NUBPL: variants seen among roughly 807,000 people sequenced by gnomAD.
The protein encoded by NUBPL is NUBP iron-sulfur cluster assembly factor, mitochondrial, also known as iron-sulfur cluster transfer protein NUBPL.
Under a neutral mutation model 45.7 loss-of-function variants are expected in NUBPL, and 31 were observed. The observed-to-expected ratio is 0.68, with a 90% CI of 0.51 to 0.92. The LOEUF (loss-of-function observed/expected upper bound fraction) is 0.92, where lower values mean the gene tolerates loss of function less well. Among genes scored for constraint, NUBPL ranks in the 40% least tolerant of loss-of-function variants. The pLI is 0.00. For synonymous variants in NUBPL, 144 were observed against 140.9 expected, an observed-to-expected ratio of 1.02 and a Z score of -0.15; for missense variants, 401 against 398.7, an observed-to-expected ratio of 1.01 and a Z score of -0.05.
intron 2 of NUBPL, among the ~76,000 whole-genome samples, chr14:31,563,887 G>T (rs7152506): frequency 0.69 from 104,699 of 152,100 alleles, 36,582 homozygotes; most frequent in African/African-American, 0.81. Context: ...CCTAGGCTAA[G>T]TATTTTACAT....
At chr14:31,602,395 A>ATAAAAG (rs1566440407) in intron 4 of NUBPL, among the ~76,000 whole-genome samples, 5 of 35,022 alleles carry the variant, frequency 1.4e-4, no homozygotes, top group Admixed American at 2.4e-4. Flanking sequence ...ATAATAATAG[A>ATAAAAG]AAAAAAAAAG....
rs530428316 is a variant in NUBPL, at chr14:31,568,552, C to T, written c.291+3504C>T. 2.0e-5 allele frequency among the ~76,000 whole-genome samples: 3 copies of T among 152,128 alleles called. No individual in the cohort carries two copies. In the South Asian group the frequency reaches 6.2e-4, roughly 32 times the overall value. ...AAATTGGATTCATCAAATGAATCTT[C>T]GGCCAACAACTGTTTGAGGATGATA... On this transcript the variant is annotated intron_variant, in intron 3 of 10. Coordinates refer to ENST00000281081, the MANE Select transcript of NUBPL (RefSeq NM_025152.3).
intron 7 of NUBPL, among the ~76,000 whole-genome samples, chr14:31,815,907 C>CT (rs2039905785): frequency 6.6e-6 from 1 of 152,088 alleles, no homozygotes; most frequent in Non-Finnish European, 1.5e-5. Context: ...GGTGGATAAG[C>CT]TTTTTTATGT....
chr14:31,739,217 A>ATT (rs1394671521), intron 6 of NUBPL, among the ~76,000 whole-genome samples: 4 of 43,886 alleles, frequency 9.1e-5, no homozygotes, highest in South Asian at 8.8e-4. Flanking sequence ...TATATATTAT[A>ATT]TTATATATAT....
At chr14:31,566,570 T>C (rs1307563580) in intron 3 of NUBPL, among the ~76,000 whole-genome samples, 1 of 152,026 alleles carries the variant, frequency 6.6e-6, no homozygotes, top group East Asian at 1.9e-4. Context: ...CTTGAGTCCT[T>C]ATATGGTTTG....
intron 3 of NUBPL, among the ~76,000 whole-genome samples, chr14:31,588,346 ATTC>A (rs1179087834): frequency 6.6e-6 from 1 of 152,206 alleles, no homozygotes; most frequent in Non-Finnish European, 1.5e-5. Context: ...ACTGTTAGCT[ATTC>A]TTTAAGTTTC....
intron 9 of NUBPL, 142 bp downstream of exon 9, chr14:31,846,733 G>A (rs1184075685): frequency 3.0e-6 from 4 of 1,333,082 alleles, no homozygotes; most frequent in Non-Finnish European, 4.1e-6. Context: ...GAGGTGGACA[G>A]ATCACGAGGT....
chr14:31,723,538 G>T (rs1338773304), intron 6 of NUBPL, among the ~76,000 whole-genome samples: 1 of 152,200 alleles, frequency 6.6e-6, no homozygotes, highest in Non-Finnish European at 1.5e-5. Context: ...TGAGCAGTAT[G>T]ACCATTTAAA....
intron 6 of NUBPL, among the ~76,000 whole-genome samples, chr14:31,745,215 C>T (rs563563220): frequency 3.3e-5 from 5 of 152,088 alleles, no homozygotes; most frequent in East Asian, 3.9e-4. Context: ...CCCCACCCCA[C>T]GACAGGCCCT....
At chr14:31,605,885 C>T (rs1455860718) in intron 4 of NUBPL, among the ~76,000 whole-genome samples, 1 of 136,056 alleles carries the variant, frequency 7.3e-6, no homozygotes, top group South Asian at 2.4e-4. Context: ...TCTTCCTCCT[C>T]CTTGTCTCCT....
intron 7 of NUBPL, among the ~76,000 whole-genome samples, chr14:31,811,132 T>G (rs2039796298): frequency 6.6e-6 from 1 of 152,202 alleles, no homozygotes; most frequent in South Asian, 2.1e-4. Flanking sequence ...ATTTGTGGTG[T>G]TCTCTGTACT....
At chr14:31,799,341 G>A (rs1380037301) in intron 7 of NUBPL, among the ~76,000 whole-genome samples, 4 of 152,040 alleles carry the variant, frequency 2.6e-5, no homozygotes, top group Admixed American at 6.6e-5. Context: ...ACAAGTCTGT[G>A]GAGTTAAGTT....
In NUBPL at chr14:31,860,609, T is replaced by C. The variant is rs1485070448; in HGVS notation, c.*1429T>C. ...GTCACTTTTGGCAAATGTCTTGACA[T>C]CTGTTGCTCTACAGTTGTCAACTAG... On this transcript the variant is annotated 3_prime_UTR_variant, in exon 11 of 11. Transcript: ENST00000281081. 4 of 152,210 alleles carry C rather than the reference T, an allele frequency of 2.6e-5. No homozygotes were observed. The allele number at this position is 152,210 out of a possible 1,614,324, so 9.4% of individuals were successfully genotyped here.
intron 4 of NUBPL, among the ~76,000 whole-genome samples, chr14:31,642,374 G>A (rs2035729161): frequency 1.3e-5 from 2 of 152,142 alleles, no homozygotes; most frequent in South Asian, 4.1e-4. Context: ...GTGAGAAATA[G>A]GGGTCTAATT....
chr14:31,817,343 C>G (rs1291022584), intron 7 of NUBPL, among the ~76,000 whole-genome samples: 1 of 152,038 alleles, frequency 6.6e-6, no homozygotes, highest in Non-Finnish European at 1.5e-5. Context: ...CAAAGATACC[C>G]CTTGAGAAGA....
At chr14:31,661,451 T>C (rs2036266974) in intron 4 of NUBPL, among the ~76,000 whole-genome samples, 1 of 152,244 alleles carries the variant, frequency 6.6e-6, no homozygotes, top group Non-Finnish European at 1.5e-5. Flanking sequence ...AAGAAACTTA[T>C]TTGTACCTGT....
chr14:31,616,411 T>G (rs141303072), intron 4 of NUBPL, among the ~76,000 whole-genome samples: 1,616 of 152,338 alleles, frequency 0.011, 23 homozygotes, highest in African/African-American at 0.037. Context: ...AGGTCTTACG[T>G]TTAAGTCTTT....
At chr14:31,693,232 A>G (rs1341318492) in intron 6 of NUBPL, among the ~76,000 whole-genome samples, 1 of 152,180 alleles carries the variant, frequency 6.6e-6, no homozygotes, top group African/African-American at 2.4e-5. Context: ...AGGCATCCAT[A>G]ATTGACTGAA....
At chr14:31,665,277 T>C (rs1332896265) in intron 4 of NUBPL, among the ~76,000 whole-genome samples, 1 of 152,204 alleles carries the variant, frequency 6.6e-6, no homozygotes, top group East Asian at 1.9e-4. Flanking sequence ...TTTGAATTTG[T>C]TTGCTCTTGC....
Sources: allele counts gnomAD v4.1 joint callset (sites outside exome capture counted in the v4.1 genomes callset), GRCh38; gene constraint gnomAD v4.1.1; transcripts MANE v1.5; gene names NCBI Gene and HGNC (gene_info 2026-07-23, HGNC 2026-07-21).